The following CACNA1D variants were observed in gnomAD, a reference collection of about 807,000 sequenced individuals.
CACNA1D encodes the protein calcium voltage-gated channel subunit alpha1 D.
In CACNA1D, 55 loss-of-function variants were observed where a neutral mutation model predicts 257.1. The ratio of observed to expected loss-of-function variants is 0.21; its 90% confidence interval spans 0.17 to 0.27. The LOEUF is 0.27. CACNA1D is among the 10% of genes least tolerant of loss of function. The pLI is 1.00. For synonymous variants in CACNA1D, 980 were observed against 1,014.9 expected (o/e 0.97, Z 0.65); for missense variants, 1,876 against 2,784.0 (o/e 0.67, Z 7.34).
chr3:53,613,537 C>T (rs961616014), intron 3 of CACNA1D, among the ~76,000 whole-genome samples: 18 of 119,422 alleles, frequency 1.5e-4, no homozygotes, highest in African/African-American at 6.0e-4. Context: ...ATAATTGGCA[C>T]GGCCATCTGT....
At chr3:53,670,384 GC>G (rs2094311129) in intron 7 of CACNA1D, among the ~76,000 whole-genome samples, 1 of 152,084 alleles carries the variant, frequency 6.6e-6, no homozygotes, top group Non-Finnish European at 1.5e-5. Flanking sequence ...TTGCTCTGTT[GC>G]CCAGGCTGGA....
At position 53,787,191 on chromosome 3, in the gene CACNA1D, C is replaced by T. The variant is rs116285577; in HGVS notation, c.4923+239C>T. Among the ~76,000 whole-genome samples, 1,097 of 152,196 alleles carry T rather than the reference C, an allele frequency of 7.2e-3. 18 individuals are homozygous for T. Among genetic ancestry groups the T allele is most frequent in the African/African-American group, 0.024 (1,001 of 41,512 alleles). On this transcript the variant is annotated intron_variant, in intron 40 of 47. Coordinates refer to ENST00000350061, the MANE Select transcript of CACNA1D (RefSeq NM_001128840.3). ...TGCCACTACCCACGCGGCAGGGCTGCCAGGACGGAGAGGAGCGAGCGCTAC... is the reference window on the plus strand; with the variant it reads ...TGCCACTACCCACGCGGCAGGGCTGTCAGGACGGAGAGGAGCGAGCGCTAC...
rs770705934 is a variant in CACNA1D at position 53,812,626 on chromosome 3, T to G, written c.*1220T>G. 3 of 152,244 alleles carry G rather than the reference T, an allele frequency of 2.0e-5. No homozygotes were observed. The highest frequency in any genetic ancestry group is 7.2e-5 in the African/African-American group (3 of 41,458). The allele number at this position is 152,244 out of a possible 1,614,324, so 9.4% of individuals were successfully genotyped here. On this transcript the variant is annotated 3_prime_UTR_variant, in exon 48 of 48. Transcript: ENST00000350061. ...AAGTGAATTACAGAGCAGGTCCAGC[T>G]GGCTGCTCTGCCCCTTGGGTATCCA...
chr3:53,513,764 A>T (rs999081666), intron 3 of CACNA1D, among the ~76,000 whole-genome samples: 1 of 152,244 alleles, frequency 6.6e-6, no homozygotes, highest in Admixed American at 6.5e-5. Context: ...AGCTCCATTC[A>T]TGGTGAGTGC....
At chr3:53,592,317 A>G (rs948789442) in intron 3 of CACNA1D, among the ~76,000 whole-genome samples, 1 of 152,126 alleles carries the variant, frequency 6.6e-6, no homozygotes, top group African/African-American at 2.4e-5. Flanking sequence ...GGCAGAGGGG[A>G]TGGGCACCCA....
intron 9 of CACNA1D, among the ~76,000 whole-genome samples, chr3:53,705,963 A>C (rs2094684526): frequency 6.6e-6 from 1 of 152,204 alleles, no homozygotes; most frequent in South Asian, 2.1e-4. Flanking sequence ...TGCACATGCC[A>C]GGTCTGGGGC....
At chr3:53,601,327 G>A (rs770627640) in intron 3 of CACNA1D, among the ~76,000 whole-genome samples, 15 of 152,178 alleles carry the variant, frequency 9.9e-5, no homozygotes, top group Non-Finnish European at 1.9e-4. Flanking sequence ...ATACTAAATA[G>A]GCTCCTTTAA....
chr3:53,711,754 C>T (rs1018217387), intron 9 of CACNA1D, among the ~76,000 whole-genome samples: 2 of 152,216 alleles, frequency 1.3e-5, no homozygotes, highest in African/African-American at 4.8e-5. Flanking sequence ...ATATTAGAGT[C>T]TAGGTCTCAT....
At chr3:53,735,906 A>G (rs541045402) in intron 20 of CACNA1D, among the ~76,000 whole-genome samples, 2 of 152,326 alleles carry the variant, frequency 1.3e-5, no homozygotes, top group African/African-American at 4.8e-5. Flanking sequence ...GGCACACCAC[A>G]TGCCCAGGCT....
rs1340795572 is a variant in CACNA1D at position 53,762,023 on chromosome 3, C to T, written c.3812C>T (p.Thr1271Met). The change falls in exon 30 of 48, where the codon ACG (threonine) becomes ATG (methionine). Residue 1271 changes from threonine to methionine, a missense_variant. Around this residue, in one of 10 missense-constraint regions of CACNA1D, gnomAD observed 204 missense variants for 309.4 expected, o/e 0.66. Coordinates refer to ENST00000350061, the MANE Select transcript of CACNA1D (RefSeq NM_001128840.3). ...GGGTATTTTAGTGACGCCTGGAACA[C>T]GTTTGACTCCCTCATCGTAATCGGC... Reference protein sequence around the residue: ...PKGYFSDAWNTFDSLIVIGSI... With the variant: ...PKGYFSDAWNMFDSLIVIGSI... The T allele has an allele frequency of 4.3e-6, 7 of 1,613,428 alleles. No homozygotes were observed. The highest frequency in any genetic ancestry group is 4.5e-5 in the East Asian group (2 of 44,890).
At chr3:53,776,559 T>G (rs1559667933) in intron 35 of CACNA1D, 44 bp from the exon 36 acceptor site, 6 of 1,613,464 alleles carry the variant, frequency 3.7e-6, no homozygotes, top group Non-Finnish European at 3.4e-6. Flanking sequence ...TCTAACGCAA[T>G]CCAGCTGCAG....
At chr3:53,795,256 A>C (rs910794183) in intron 40 of CACNA1D, among the ~76,000 whole-genome samples, 1 of 152,246 alleles carries the variant, frequency 6.6e-6, no homozygotes, top group Non-Finnish European at 1.5e-5. Flanking sequence ...TGTCATCTCC[A>C]TGCTGACTTA....
At position 53,673,961 on chromosome 3, in the gene CACNA1D, G is replaced by A; in HGVS notation, c.1220+835G>A. The A allele has an allele frequency of 1.4e-6, 1 of 716,430 alleles. No individual in the cohort carries two copies. Among genetic ancestry groups the A allele is most frequent in the South Asian group, 1.5e-5 (1 of 68,006 alleles). The allele number at this position is 716,430 out of a possible 1,614,324, so 44.4% of individuals were successfully genotyped here. On this transcript the variant is annotated intron_variant, in intron 8 of 47. Coordinates refer to ENST00000350061, the MANE Select transcript of CACNA1D (RefSeq NM_001128840.3). This position sits in a 1 kb window ranked among gnomAD's most constrained non-coding sequence, Gnocchi z 4.1. Reference sequence around the variant, plus strand: ...GTGTGTTGCTTTTGGATTGAACTGTGATTCTTTCTGCCTGTATCTGTCTGT... The same window carrying A: ...GTGTGTTGCTTTTGGATTGAACTGTAATTCTTTCTGCCTGTATCTGTCTGT...
chr3:53,744,716 G>T, intron 22 of CACNA1D, 24 bp from the exon 23 acceptor site: 3 of 1,333,194 alleles, frequency 2.3e-6, no homozygotes, highest in Non-Finnish European at 3.2e-6. Context: ...CGCTCTGCCT[G>T]CCGTCTTTCT....
intron 4 of CACNA1D, among the ~76,000 whole-genome samples, chr3:53,656,913 T>C (rs1421114148): frequency 1.3e-5 from 2 of 152,202 alleles, no homozygotes; most frequent in African/African-American, 2.4e-5. Context: ...TACCAAGTCT[T>C]AACCAAAATA....
chr3:53,723,472 G>A lies in CACNA1D; in HGVS notation c.1705G>A (p.Glu569Lys). 4 of 1,614,082 alleles carry A rather than the reference G, an allele frequency of 2.5e-6. No individual in the cohort carries two copies. Among genetic ancestry groups the A allele is most frequent in the Non-Finnish European group, 3.4e-6 (4 of 1,180,010 alleles). Residue 569 changes from glutamate (E) to lysine (K), a missense_variant, in exon 13 of 48, where the codon GAG becomes AAG. Transcript: ENST00000350061. The surrounding 1 kb of genome is among the most constrained non-coding windows in gnomAD (Gnocchi z 5.6). ...AGTCCTCTTGGCTCTGTTCACCTGC[G>A]AGATGCTGGTAAAAATGTACAGCTT... ...NKVLLALFTC[E>K]MLVKMYSLGL...
At chr3:53,513,477 C>CA (rs927744608) in intron 3 of CACNA1D, among the ~76,000 whole-genome samples, 1 of 151,976 alleles carries the variant, frequency 6.6e-6, no homozygotes, top group Non-Finnish European at 1.5e-5. Context: ...ACCAAAAATA[C>CA]AAAAAAATTA....
chr3:53,657,092 C>A (rs894162557), intron 4 of CACNA1D, among the ~76,000 whole-genome samples: 1 of 151,976 alleles, frequency 6.6e-6, no homozygotes, highest in African/African-American at 2.4e-5. Flanking sequence ...CACATGTCCC[C>A]AAAAAAACTT....
chr3:53,570,307 G>T (rs1001096757), intron 3 of CACNA1D, among the ~76,000 whole-genome samples: 1 of 152,174 alleles, frequency 6.6e-6, no homozygotes, highest in Non-Finnish European at 1.5e-5. Flanking sequence ...CTTATTTTGT[G>T]GGGGAGGTTC....
Sources: allele counts gnomAD v4.1 joint callset (sites outside exome capture counted in the v4.1 genomes callset), GRCh38; gene constraint gnomAD v4.1.1; regional missense constraint gnomAD v4.1.1; non-coding constraint Gnocchi (gnomAD v3.1); transcripts MANE v1.5; gene names NCBI Gene and HGNC (gene_info 2026-07-23, HGNC 2026-07-21).